Variants in AUTS2 observed in about 807,000 individuals in gnomAD.
AUTS2 encodes autism susceptibility gene 2 protein.
AUTS2 carries 17 observed loss-of-function variants against 112.4 expected under a neutral mutation model. The observed-to-expected ratio is 0.15, with a 90% CI of 0.10 to 0.23. AUTS2 has a LOEUF of 0.23. Ranked by LOEUF, AUTS2 falls within the 10% of genes least tolerant of loss-of-function variation. AUTS2 has a pLI of 1.00. For synonymous variants in AUTS2, 751 were observed against 702.7 expected, an observed-to-expected ratio of 1.07 and a Z score of -1.09; for missense variants, 1,510 against 1,701.6, an observed-to-expected ratio of 0.89 and a Z score of 1.98.
chr7:69,897,108 A>G (rs1389639542), intron 1 of AUTS2, among the ~76,000 whole-genome samples: 2 of 152,196 alleles, frequency 1.3e-5, no homozygotes, highest in African/African-American at 2.4e-5. Context: ...TACTGGGCAC[A>G]CAAAACATAA....
chr7:70,281,301 A>C (rs544117164), intron 4 of AUTS2, among the ~76,000 whole-genome samples: 3 of 152,338 alleles, frequency 2.0e-5, no homozygotes, highest in African/African-American at 7.2e-5. Flanking sequence ...CCTGCAGTAC[A>C]GACCAGCCTC....
chr7:69,912,203 C>T (rs909642940), intron 2 of AUTS2, among the ~76,000 whole-genome samples: 1 of 152,296 alleles, frequency 6.6e-6, no homozygotes, highest in East Asian at 1.9e-4. Context: ...AGAGTGGGCT[C>T]CAGGTATGGG....
Position 70,035,999 on chromosome 7 carries a change from A to G in AUTS2, c.523-82133A>G, listed in dbSNP as rs528109544. Among the ~76,000 whole-genome samples the G allele has an allele frequency of 4.6e-5, 7 of 152,372 alleles. No homozygotes were observed. The East Asian group carries it at 1.3e-3, about 29-fold the overall frequency. ...AGTACAGATAACACAAGTAATACTTACAAAATGTGGTAAGTGCTATGAAAG... is the reference window on the plus strand; with the variant it reads ...AGTACAGATAACACAAGTAATACTTGCAAAATGTGGTAAGTGCTATGAAAG... On this transcript the variant is annotated intron_variant, in intron 2 of 18. Transcript: ENST00000342771.
At chr7:69,602,059 T>G in intron 1 of AUTS2, among the ~76,000 whole-genome samples, 1 of 14,332 alleles carries the variant, frequency 7.0e-5, no homozygotes, top group Non-Finnish European at 1.5e-4. Flanking sequence ...TGTGTGTGTG[T>G]GTGTGTGTGT....
At chr7:70,024,808 C>T (rs900580641) in intron 2 of AUTS2, among the ~76,000 whole-genome samples, 1 of 152,128 alleles carries the variant, frequency 6.6e-6, no homozygotes, top group Non-Finnish European at 1.5e-5. Flanking sequence ...TATTTTTGCT[C>T]TGAAGGCCTT....
chr7:70,001,795 C>G (rs1442935279), intron 2 of AUTS2, among the ~76,000 whole-genome samples: 1 of 150,752 alleles, frequency 6.6e-6, no homozygotes, highest in Non-Finnish European at 1.5e-5. Flanking sequence ...ACTGCAACCT[C>G]TGCCTTCCAG....
intron 5 of AUTS2, among the ~76,000 whole-genome samples, chr7:70,678,870 T>A (rs1808062771): frequency 6.6e-6 from 1 of 152,144 alleles, no homozygotes; most frequent in Non-Finnish European, 1.5e-5. Flanking sequence ...CCCAAGTGTG[T>A]GCAGGACTTT....
chr7:70,479,431 C>T (rs112099307), intron 5 of AUTS2, among the ~76,000 whole-genome samples: 3 of 152,170 alleles, frequency 2.0e-5, no homozygotes, highest in East Asian at 3.9e-4. Flanking sequence ...CACTTCTCCC[C>T]GAAATACACC....
chr7:69,910,836 C>T (rs1584427891), intron 2 of AUTS2, among the ~76,000 whole-genome samples: 1 of 152,070 alleles, frequency 6.6e-6, no homozygotes, highest in African/African-American at 2.4e-5. Flanking sequence ...CTTTGTTGAC[C>T]AGGCTAGTCT....
intron 5 of AUTS2, among the ~76,000 whole-genome samples, chr7:70,515,073 T>C (rs1799361675): frequency 6.6e-6 from 1 of 152,208 alleles, no homozygotes; most frequent in African/African-American, 2.4e-5. Flanking sequence ...CTTGATTCCC[T>C]TTATTAAGTA....
At chr7:70,419,435 G>A (rs1368440755) in intron 4 of AUTS2, among the ~76,000 whole-genome samples, 1 of 149,970 alleles carries the variant, frequency 6.7e-6, no homozygotes, top group Non-Finnish European at 1.5e-5. Context: ...CACACTGGGG[G>A]CTGGGGGGTG....
intron 1 of AUTS2, among the ~76,000 whole-genome samples, chr7:69,668,123 G>A (rs568169718): frequency 6.6e-6 from 1 of 152,294 alleles, no homozygotes; most frequent in South Asian, 2.1e-4. Context: ...GACACACAGT[G>A]GGTGGAGGGA....
intron 6 of AUTS2, among the ~76,000 whole-genome samples, chr7:70,736,936 G>A (rs940840186): frequency 1.3e-5 from 2 of 152,028 alleles, no homozygotes; most frequent in Non-Finnish European, 2.9e-5. Context: ...GTAAATCACC[G>A]GCATTCCTGA....
chr7:70,221,169 C>T (rs1186091245), intron 4 of AUTS2, among the ~76,000 whole-genome samples: 2 of 152,184 alleles, frequency 1.3e-5, no homozygotes, highest in Non-Finnish European at 2.9e-5. Flanking sequence ...CAGCCTCCTG[C>T]ATTGTTGGGA....
chr7:69,770,765 T>C (rs1383924391), intron 1 of AUTS2, among the ~76,000 whole-genome samples: 2 of 151,496 alleles, frequency 1.3e-5, no homozygotes, highest in African/African-American at 2.4e-5. Flanking sequence ...TTGTCTTTCA[T>C]TACTTTGCAT....
chr7:69,877,907 A>G (rs1212645350), intron 1 of AUTS2, among the ~76,000 whole-genome samples: 2 of 152,116 alleles, frequency 1.3e-5, no homozygotes, highest in African/African-American at 4.8e-5. Flanking sequence ...ACATCACCAG[A>G]GTCATGGCAG....
At chr7:70,539,452 A>G (rs1456234288) in intron 5 of AUTS2, among the ~76,000 whole-genome samples, 2 of 152,158 alleles carry the variant, frequency 1.3e-5, no homozygotes, top group African/African-American at 2.4e-5. Flanking sequence ...GTTCTTACAC[A>G]GACTGTGCTG....
intron 4 of AUTS2, among the ~76,000 whole-genome samples, chr7:70,288,404 A>G (rs1209057725): frequency 6.6e-6 from 1 of 152,198 alleles, no homozygotes; most frequent in Non-Finnish European, 1.5e-5. Flanking sequence ...TCCGTCTCAA[A>G]AAACAAAAAA....
intron 2 of AUTS2, among the ~76,000 whole-genome samples, chr7:69,908,389 T>A (rs562800019): frequency 1.1e-4 from 17 of 152,336 alleles, no homozygotes; most frequent in African/African-American, 3.4e-4. Flanking sequence ...GTGTTGATGA[T>A]TTTATATCAG....
Sources: gnomAD v4.1 joint callset for allele counts (sites outside exome capture counted in the v4.1 genomes callset) on GRCh38, gnomAD v4.1.1 for gene constraint, MANE v1.5 for transcripts, NCBI Gene and HGNC (gene_info 2026-07-23, HGNC 2026-07-21) for gene names.